The following VAX2 variants were observed in gnomAD, a reference collection of about 807,000 sequenced individuals.
The protein encoded by VAX2 is ventral anterior homeobox 2.
VAX2 carries 8 observed loss-of-function variants against 12.5 expected under a neutral mutation model. The ratio of observed to expected loss-of-function variants is 0.64; its 90% confidence interval spans 0.37 to 1.15. VAX2 has a LOEUF of 1.15. Ranked by LOEUF, VAX2 falls within the 50% of genes most tolerant of loss-of-function variation. VAX2 has a pLI of 0.01. For missense variants in VAX2, 476 were observed against 412.9 expected (o/e 1.15, Z -1.32); for synonymous variants, 183 against 187.6 (o/e 0.98, Z 0.20).
chr2:70,916,416 T>C (rs1679306660), intron 1 of VAX2, among the ~76,000 whole-genome samples: 1 of 152,190 alleles, frequency 6.6e-6, no homozygotes, highest in African/African-American at 2.4e-5. Context: ...TTTTTGTATA[T>C]AGTTCTATGA....
At chr2:70,927,113 TTTTA>T (rs1399382285) in intron 2 of VAX2, among the ~76,000 whole-genome samples, 1 of 151,598 alleles carries the variant, frequency 6.6e-6, no homozygotes, top group African/African-American at 2.4e-5. Context: ...CAAAATGGAG[TTTTA>T]TTTATTTTTG....
Position 70,921,292 on chromosome 2 carries a change from G to A in VAX2, c.435+7G>A. ...GAACCTCTCCGAGACCCAGGTAAGA[G>A]ACCAGGGCCAGGCCACTCCACTCTT... On this transcript the variant is annotated splice_region_variant and intron_variant, in intron 2 of 2. Transcript: ENST00000234392. 4 of 1,602,748 alleles carry A rather than the reference G, an allele frequency of 2.5e-6. No homozygotes were observed. The highest frequency in any genetic ancestry group is 2.6e-6 in the Non-Finnish European group (3 of 1,175,244).
intron 2 of VAX2, among the ~76,000 whole-genome samples, chr2:70,931,203 G>A (rs1183616949): frequency 2.6e-5 from 4 of 152,222 alleles, no homozygotes; most frequent in African/African-American, 7.2e-5. Flanking sequence ...GGAGCACTGG[G>A]TGTTGGGTAG....
Position 70,933,062 on chromosome 2 carries a change from C to T in VAX2, c.731C>T (p.Pro244Leu). ...SASASPPLPP[P>L]LPAVCFSSAP... The stretch of plus-strand genomic sequence containing the variant: ...TCAGCGTCCCCCCCACTGCCGCCCC[C>T]TCTGCCAGCTGTCTGCTTTTCCTCG... Residue 244 changes from proline (P) to leucine (L), a missense_variant, in exon 3 of 3, where the codon CCT becomes CTT. Pro to Leu is a moderately conservative substitution (Grantham distance 98). Coordinates refer to ENST00000234392, the MANE Select transcript of VAX2 (RefSeq NM_012476.3). 1 of 1,607,950 alleles carries T rather than the reference C, an allele frequency of 6.2e-7. No individual in the cohort carries two copies. Among genetic ancestry groups the T allele is most frequent in the Non-Finnish European group, 8.5e-7 (1 of 1,177,482 alleles).
At chr2:70,914,125 C>G (rs1553411602) in intron 1 of VAX2, among the ~76,000 whole-genome samples, 1 of 152,150 alleles carries the variant, frequency 6.6e-6, no homozygotes, top group African/African-American at 2.4e-5. Context: ...AGCACCTGAG[C>G]CTGTGTTTCT....
chr2:70,910,659 T>C (rs1405708452), intron 1 of VAX2, among the ~76,000 whole-genome samples: 1 of 152,092 alleles, frequency 6.6e-6, no homozygotes, highest in African/African-American at 2.4e-5. Flanking sequence ...ATTTTTCATA[T>C]ATTTAGCCAT....
chr2:70,921,376 C>T, intron 2 of VAX2, 91 bp downstream of exon 2: 2 of 1,398,444 alleles, frequency 1.4e-6, no homozygotes, highest in South Asian at 1.6e-5. Context: ...TACAGGGAGA[C>T]CCAACTTTGG....
chr2:70,924,081 A>G (rs922861987), intron 2 of VAX2, among the ~76,000 whole-genome samples: 10 of 152,134 alleles, frequency 6.6e-5, no homozygotes, highest in Non-Finnish European at 1.2e-4. Flanking sequence ...GGATTGTTTG[A>G]GCCCAGGAGG....
At chr2:70,920,152 G>A (rs988607892) in intron 1 of VAX2, among the ~76,000 whole-genome samples, 1 of 152,288 alleles carries the variant, frequency 6.6e-6, no homozygotes, top group East Asian at 1.9e-4. Flanking sequence ...CGTTATCATG[G>A]ACATCATTTG....
intron 2 of VAX2, among the ~76,000 whole-genome samples, chr2:70,926,498 G>C (rs140754169): frequency 3.0e-4 from 45 of 152,236 alleles, no homozygotes; most frequent in African/African-American, 1.1e-3. Context: ...ACCATGCTTT[G>C]TTTGAAAAAG....
At chr2:70,930,704 C>T (rs553012750) in intron 2 of VAX2, among the ~76,000 whole-genome samples, 1 of 152,366 alleles carries the variant, frequency 6.6e-6, no homozygotes, top group African/African-American at 2.4e-5. Flanking sequence ...CTCTGCCTGT[C>T]TTCTTAACCT....
At chr2:70,908,342 C>T (rs576695939) in intron 1 of VAX2, among the ~76,000 whole-genome samples, 2 of 152,328 alleles carry the variant, frequency 1.3e-5, no homozygotes, top group Admixed American at 6.5e-5. Flanking sequence ...CCTCTCCCAT[C>T]CCTGTCCCCA....
At position 70,930,311 on chromosome 2, in the gene VAX2, C is replaced by T. The variant is rs546518785; in HGVS notation, c.436-2456C>T. On this transcript the variant is annotated intron_variant, in intron 2 of 2. Coordinates refer to ENST00000234392, the MANE Select transcript of VAX2 (RefSeq NM_012476.3). ...CCCACACCTGCTTCCCCACTCAGAACAGCCTTGACTCACTGCTTGCCAGCA... is the reference window on the plus strand; with the variant it reads ...CCCACACCTGCTTCCCCACTCAGAATAGCCTTGACTCACTGCTTGCCAGCA... Among the ~76,000 whole-genome samples, 10 of 152,314 alleles carry T rather than the reference C, an allele frequency of 6.6e-5. No homozygotes were observed. In the South Asian group the frequency reaches 2.1e-3, roughly 32 times the overall value.
intron 1 of VAX2, among the ~76,000 whole-genome samples, chr2:70,918,408 C>T (rs1679353997): frequency 6.6e-6 from 1 of 152,194 alleles, no homozygotes; most frequent in African/African-American, 2.4e-5. Flanking sequence ...CAGGGTAACC[C>T]TCTAGAGCAG....
At chr2:70,908,187 T>C (rs1215753454) in intron 1 of VAX2, among the ~76,000 whole-genome samples, 3 of 152,234 alleles carry the variant, frequency 2.0e-5, no homozygotes, top group Non-Finnish European at 4.4e-5. Context: ...GTAAAATAGA[T>C]AATTAATTCA....
intron 1 of VAX2, among the ~76,000 whole-genome samples, chr2:70,909,306 T>C (rs1431481841): frequency 1.3e-5 from 2 of 152,028 alleles, no homozygotes; most frequent in Admixed American, 1.3e-4. Flanking sequence ...ACTGAGACTA[T>C]AGGCACTCCC....
chr2:70,928,678 T>A, intron 2 of VAX2, among the ~76,000 whole-genome samples: 1 of 152,144 alleles, frequency 6.6e-6, no homozygotes, highest in East Asian at 1.9e-4. Flanking sequence ...ACTCCCTGAG[T>A]ACGAATTGCC....
chr2:70,908,538 T>C lies in VAX2; in HGVS notation c.247+7670T>C, dbSNP rs183775412. Among the ~76,000 whole-genome samples the C allele has an allele frequency of 1.6e-4, 25 of 152,372 alleles. No homozygotes were observed. In the East Asian group the frequency reaches 4.8e-3, roughly 29 times the overall value. ...TTTAAGTGGACTAGGTGGATCATAA[T>C]GTATATCATATAACCAGTACCCTAT... is the stretch of plus-strand genomic sequence containing the variant. On this transcript the variant is annotated intron_variant, in intron 1 of 2. Transcript: ENST00000234392.
chr2:70,917,687 T>C (rs966753923), intron 1 of VAX2, among the ~76,000 whole-genome samples: 14 of 152,208 alleles, frequency 9.2e-5, no homozygotes, highest in African/African-American at 3.4e-4. Flanking sequence ...CTTTCTCGTC[T>C]GGGTCATGCC....
Sources: allele counts gnomAD v4.1 joint callset (sites outside exome capture counted in the v4.1 genomes callset), GRCh38; gene constraint gnomAD v4.1.1; transcripts MANE v1.5; gene names NCBI Gene and HGNC (gene_info 2026-07-23, HGNC 2026-07-21).